The following GTSF1 variants were observed in gnomAD, a reference collection of about 807,000 sequenced individuals.
GTSF1 encodes the protein gametocyte-specific factor 1.
GTSF1 carries 11 observed loss-of-function variants against 28.9 expected under a neutral mutation model. The observed-to-expected ratio is 0.38, with a 90% CI of 0.24 to 0.63. The LOEUF (loss-of-function observed/expected upper bound fraction) is 0.63. Ranked by LOEUF, GTSF1 falls within the 30% of genes least tolerant of loss-of-function variation. The pLI, the probability that GTSF1 is intolerant of heterozygous loss-of-function variation, is 0.56. For synonymous variants in GTSF1, 69 were observed against 65.6 expected, an observed-to-expected ratio of 1.05 and a Z score of -0.25; for missense variants, 146 against 201.0, an observed-to-expected ratio of 0.73 and a Z score of 1.66.
chr12:54,459,534 T>G, intron 7 of GTSF1: 1 of 1,002,092 alleles, frequency 1.0e-6, no homozygotes, highest in Non-Finnish European at 1.3e-6. Context: ...GAAATTTCAT[T>G]ATGACGGTAA....
At chr12:54,462,052 G>A in intron 6 of GTSF1, 57 bp downstream of exon 6, 2 of 1,315,418 alleles carry the variant, frequency 1.5e-6, no homozygotes, top group South Asian at 2.4e-5. Context: ...GGCTTCTCTT[G>A]GTAACAGAAC....
chr12:54,460,672 T>C (rs776570523), intron 6 of GTSF1, among the ~76,000 whole-genome samples: 6 of 152,250 alleles, frequency 3.9e-5, no homozygotes, highest in Non-Finnish European at 5.9e-5. Flanking sequence ...CTGTTCTGTA[T>C]AGACATTAAG....
intron 8 of GTSF1, among the ~76,000 whole-genome samples, chr12:54,457,440 G>T (rs1477759904): frequency 2.0e-5 from 3 of 152,182 alleles, no homozygotes; most frequent in Non-Finnish European, 4.4e-5. Flanking sequence ...TTCAATGTAT[G>T]CTTCTCTTCC....
At chr12:54,471,880 A>AAC (rs1565663003) in intron 1 of GTSF1, 47 of 152,732 alleles carry the variant, frequency 3.1e-4, no homozygotes, top group African/African-American at 1.0e-3. Context: ...CCCCCCCCCA[A>AAC]AAACAAACAA....
chr12:54,465,295 G>T, intron 2 of GTSF1, 128 bp from the exon 3 acceptor site: 4 of 475,372 alleles, frequency 8.4e-6, no homozygotes, highest in South Asian at 3.7e-5. Context: ...AAGAAAACTT[G>T]GATTAAAAAA....
Position 54,462,703 on chromosome 12 carries a change from T to C in GTSF1, c.267A>G (p.Arg89=), listed in dbSNP as rs751534257. The change falls in exon 5 of 9, where the codon AGA becomes AGG. Residue 89 remains arginine, a synonymous_variant. Transcript: ENST00000305879. ...QDVVNQTRSL[R]QETLAESTWQ... is the part of the protein sequence containing the mutation. ...AAGTGCTCTCAGCCAGAGTCTCTTG[T>C]CTAAGGCTCCTGGTTTGGTTGACTG... The C allele has an allele frequency of 1.1e-5, 18 of 1,613,888 alleles. No individual in the cohort carries two copies. In the Admixed American group the frequency reaches 1.7e-4, roughly 15 times the overall value.
intron 5 of GTSF1, 79 bp from the exon 6 acceptor site, chr12:54,462,251 T>A: frequency 9.8e-7 from 1 of 1,015,898 alleles, no homozygotes; most frequent in East Asian, 2.4e-5. Context: ...ATTTATAAGA[T>A]GGGAAATAAT....
At chr12:54,464,919 C>A in intron 3 of GTSF1, 148 bp downstream of exon 3, 2 of 511,428 alleles carry the variant, frequency 3.9e-6, no homozygotes, top group Non-Finnish European at 7.0e-6. Context: ...GAACAAATGC[C>A]TTTCTATAAA....
intron 6 of GTSF1, 56 bp from the exon 7 acceptor site, chr12:54,460,527 A>G: frequency 8.9e-7 from 1 of 1,123,430 alleles, no homozygotes; most frequent in South Asian, 1.3e-5. Context: ...AAGCAGGCAC[A>G]CGTAAGATAA....
chr12:54,468,179 C>T (rs1028968943), intron 2 of GTSF1, among the ~76,000 whole-genome samples: 8 of 152,036 alleles, frequency 5.3e-5, no homozygotes, highest in Non-Finnish European at 8.8e-5. Context: ...CCAGGCTGGA[C>T]AGTGCAGTGG....
chr12:54,468,790 T>C lies in GTSF1; in HGVS notation c.16+2443A>G, dbSNP rs537619220. On this transcript the variant is annotated intron_variant, in intron 2 of 8. Transcript: ENST00000305879. The stretch of plus-strand genomic sequence containing the variant: ...AAATCCAGGTCAATTTGGGAAACTA[T>C]AGTCTAAGGCAGTGTTTCTCAAACT... 5 of 152,364 alleles carry C rather than the reference T, an allele frequency of 3.3e-5. No homozygotes were observed. The East Asian group carries it at 7.7e-4, about 23-fold the overall frequency. 9.4% of individuals were successfully genotyped at this position (152,364 alleles called of 1,614,324 possible).
chr12:54,458,496 C>T (rs1452183545), intron 8 of GTSF1, among the ~76,000 whole-genome samples: 4 of 152,198 alleles, frequency 2.6e-5, no homozygotes, highest in African/African-American at 4.8e-5. Context: ...CTCAGCCTCC[C>T]GAGTTGCTGG....
intron 6 of GTSF1, among the ~76,000 whole-genome samples, chr12:54,461,557 C>T (rs1035505392): frequency 7.9e-5 from 12 of 151,952 alleles, no homozygotes; most frequent in Admixed American, 1.3e-4. Context: ...CCAGGGGGAT[C>T]GCTTGAGCCC....
chr12:54,459,404 T>TA (rs1442725432), intron 7 of GTSF1: 3 of 1,375,186 alleles, frequency 2.2e-6, no homozygotes, highest in Non-Finnish European at 2.9e-6. Flanking sequence ...TCTAGCCACC[T>TA]AAAAATTAGC....
At chr12:54,462,875 T>C in intron 4 of GTSF1, 150 bp from the exon 5 acceptor site, 2 of 634,582 alleles carry the variant, frequency 3.2e-6, no homozygotes, top group East Asian at 2.8e-5. Context: ...AGGGATCTTA[T>C]CTCTTTGCTG....
intron 7 of GTSF1, 136 bp downstream of exon 7, chr12:54,460,241 A>G (rs1592316202): frequency 1.6e-6 from 1 of 637,292 alleles, no homozygotes; most frequent in East Asian, 2.8e-5. Context: ...TGCTTAGGGC[A>G]TAACATTTAA....
chr12:54,471,314 A>G (rs1956591562), intron 1 of GTSF1, 37 bp from the exon 2 acceptor site: 3 of 1,465,164 alleles, frequency 2.0e-6, no homozygotes, highest in African/African-American at 1.4e-5. Context: ...GAAATCAGAA[A>G]TAAAATGTAC....
At chr12:54,467,349 CT>C (rs1956533974) in intron 2 of GTSF1, among the ~76,000 whole-genome samples, 1 of 150,772 alleles carries the variant, frequency 6.6e-6, no homozygotes, top group Admixed American at 6.6e-5. Flanking sequence ...CGGAGTCTCA[CT>C]GTTATCCAGG....
At chr12:54,471,210 T>G (rs999535986) in intron 2 of GTSF1, 23 bp downstream of exon 2, 4 of 1,545,678 alleles carry the variant, frequency 2.6e-6, no homozygotes, top group Non-Finnish European at 3.5e-6. Context: ...ACTTATTTTC[T>G]AAAAGCAACA....
Sources: allele counts gnomAD v4.1 joint callset (sites outside exome capture counted in the v4.1 genomes callset), GRCh38; gene constraint gnomAD v4.1.1; transcripts MANE v1.5; gene names NCBI Gene and HGNC (gene_info 2026-07-23, HGNC 2026-07-21).